The following PHACTR1 variants were observed in gnomAD, a reference collection of about 807,000 sequenced individuals.
The protein encoded by PHACTR1 is phosphatase and actin regulator 1, also known as RPEL repeat containing 1.
A neutral mutation model predicts 69.2 loss-of-function variants in PHACTR1; 16 were observed. The ratio of observed to expected loss-of-function variants is 0.23; its 90% confidence interval spans 0.16 to 0.35. The LOEUF is 0.35. Ranked by LOEUF, PHACTR1 falls within the 10% of genes least tolerant of loss-of-function variation. PHACTR1 has a pLI of 1.00. For missense variants in PHACTR1, 510 were observed against 734.7 expected (o/e 0.69, Z 3.54); for synonymous variants, 312 against 284.5 (o/e 1.10, Z -0.97).
chr6:12,954,447 T>C (rs1728088132), intron 4 of PHACTR1, among the ~76,000 whole-genome samples: 1 of 151,646 alleles, frequency 6.6e-6, no homozygotes, highest in South Asian at 2.1e-4. Context: ...GCAGGGGTGC[T>C]CGTGATAGTT....
At chr6:12,965,413 A>C (rs1477697285) in intron 4 of PHACTR1, among the ~76,000 whole-genome samples, 1 of 147,518 alleles carries the variant, frequency 6.8e-6, no homozygotes, top group African/African-American at 2.5e-5. Context: ...TTGAGCTCTC[A>C]TCCTGTTGAT....
At chr6:13,209,570 A>G (rs1379230914) in intron 8 of PHACTR1, among the ~76,000 whole-genome samples, 1 of 152,244 alleles carries the variant, frequency 6.6e-6, no homozygotes, top group African/African-American at 2.4e-5. Context: ...TAATATACAA[A>G]GTTGAATGGT....
intron 4 of PHACTR1, among the ~76,000 whole-genome samples, chr6:12,859,886 A>G (rs1780766763): frequency 6.6e-6 from 1 of 152,166 alleles, no homozygotes; most frequent in Non-Finnish European, 1.5e-5. Flanking sequence ...AATGGTGCCA[A>G]TATTCTGCAG....
intron 4 of PHACTR1, among the ~76,000 whole-genome samples, chr6:12,780,249 CTG>C (rs71552713): frequency 0.059 from 8,631 of 147,450 alleles, 698 homozygotes; most frequent in African/African-American, 0.19. Flanking sequence ...TATCTTTTCT[CTG>C]TGTGTGTGTG....
At chr6:13,256,422 G>A (rs533512) in intron 10 of PHACTR1, among the ~76,000 whole-genome samples, 11,448 of 152,286 alleles carry the variant, frequency 0.075, 716 homozygotes, top group Admixed American at 0.22. Context: ...AATTTCTGCA[G>A]CCTACTTGAA....
In PHACTR1 at chr6:13,229,976, G is replaced by A. The variant is rs1770555225; in HGVS notation, c.1235-61G>A. The A allele has an allele frequency of 6.7e-6, 10 of 1,498,128 alleles. No homozygotes were observed. The East Asian group carries it at 7.3e-5, about 11-fold the overall frequency. The allele number at this position is 1,498,128 out of a possible 1,614,324, so 92.8% of individuals were successfully genotyped here. A position where few individuals can be genotyped will look rare whatever the true frequency, so the allele number is the denominator to read the frequency against. On this transcript the variant is annotated intron_variant, in intron 9 of 14. Transcript: ENST00000332995. ...GCCTTGTATCTTATGACCCAGGGTT[G>A]GCCCTGTGGGAGCCCAGGCAGATAT... is the stretch of plus-strand genomic sequence containing the variant.
intron 5 of PHACTR1, among the ~76,000 whole-genome samples, chr6:13,112,510 G>C (rs1197091187): frequency 6.6e-6 from 1 of 152,170 alleles, no homozygotes; most frequent in African/African-American, 2.4e-5. Flanking sequence ...TAGTGTATAA[G>C]TGTTTCATTT....
In PHACTR1 at chr6:12,989,828, G is replaced by C. The variant is rs1014403407; in HGVS notation, c.251-63537G>C. 2.6e-5 allele frequency among the ~76,000 whole-genome samples: 4 copies of C among 152,184 alleles called. No homozygotes were observed. The South Asian group carries it at 6.2e-4, about 24-fold the overall frequency. The stretch of plus-strand genomic sequence containing the variant: ...TGTCATAGGCGTAATCTATAGCAAT[G>C]GTGGTTTAAATGAATCTCCTTTGTG... On this transcript the variant is annotated intron_variant, in intron 4 of 14. Transcript: ENST00000332995.
intron 8 of PHACTR1, among the ~76,000 whole-genome samples, chr6:13,223,915 A>ATTG (rs1231576869): frequency 6.6e-6 from 1 of 152,022 alleles, no homozygotes; most frequent in Non-Finnish European, 1.5e-5. Context: ...TGTCATTGCC[A>ATTG]TTGATAAAGA....
intron 8 of PHACTR1, among the ~76,000 whole-genome samples, chr6:13,224,085 C>T (rs1584044582): frequency 2.0e-5 from 3 of 152,150 alleles, no homozygotes; most frequent in African/African-American, 7.2e-5. Flanking sequence ...TTATTTCATT[C>T]GGCTAAAGCA....
chr6:13,069,833 A>G (rs1561784838), intron 5 of PHACTR1, among the ~76,000 whole-genome samples: 2 of 152,208 alleles, frequency 1.3e-5, no homozygotes, highest in South Asian at 2.1e-4. Context: ...AGACCTATAT[A>G]GTATTATTAA....
chr6:13,272,964 G>A (rs76861783), intron 11 of PHACTR1, 49 bp downstream of exon 11: 9 of 1,608,460 alleles, frequency 5.6e-6, no homozygotes, highest in African/African-American at 4.0e-5. Context: ...GGCGGCTTTT[G>A]TTATTATTTA....
At chr6:13,244,060 C>T (rs1171162183) in intron 10 of PHACTR1, among the ~76,000 whole-genome samples, 4 of 152,110 alleles carry the variant, frequency 2.6e-5, no homozygotes, top group African/African-American at 9.7e-5. Flanking sequence ...TCTAGTTTCC[C>T]TAAGCATCGG....
At chr6:13,247,445 A>C (rs1251828151) in intron 10 of PHACTR1, among the ~76,000 whole-genome samples, 1 of 151,334 alleles carries the variant, frequency 6.6e-6, no homozygotes. Context: ...TCCTGGGTTA[A>C]AGCGATTCTC....
rs539577896 is a variant in PHACTR1, at chr6:13,156,444, AAGAAATGTACTTTCTTT to A, written c.416-3758_416-3742del. On this transcript the variant is annotated intron_variant, in intron 5 of 14. Coordinates refer to ENST00000332995, the MANE Select transcript of PHACTR1 (RefSeq NM_030948.6). Reference sequence around the variant, plus strand: ...CTTTTAAAGGAAACTTAGGACGTTAAAGAAATGTACTTTCTTTAATGCTTGGCATGGGCAACTTTGAG... The same window carrying A: ...CTTTTAAAGGAAACTTAGGACGTTAAAATGCTTGGCATGGGCAACTTTGAG... Among the ~76,000 whole-genome samples, 380 of 152,334 alleles carry A rather than the reference AAGAAATGTACTTTCTTT, an allele frequency of 2.5e-3. 1 individual carries two copies. The highest frequency in any genetic ancestry group is 4.6e-3 in the Non-Finnish European group (310 of 68,032).
At chr6:13,254,625 A>T (rs887523818) in intron 10 of PHACTR1, among the ~76,000 whole-genome samples, 1 of 152,158 alleles carries the variant, frequency 6.6e-6, no homozygotes, top group African/African-American at 2.4e-5. Flanking sequence ...TCCAGCAGGA[A>T]ACAGATGGCT....
chr6:13,187,612 G>C (rs187521835), intron 7 of PHACTR1, among the ~76,000 whole-genome samples: 1 of 152,334 alleles, frequency 6.6e-6, no homozygotes, highest in Non-Finnish European at 1.5e-5. Flanking sequence ...TAGCCTTTAA[G>C]AGATCTTGGA....
At chr6:12,827,831 A>C (rs1198670649) in intron 4 of PHACTR1, among the ~76,000 whole-genome samples, 1 of 152,216 alleles carries the variant, frequency 6.6e-6, no homozygotes, top group African/African-American at 2.4e-5. Context: ...ACATTACATG[A>C]TAATATGAAA....
chr6:13,240,919 T>C (rs1272719877), intron 10 of PHACTR1, among the ~76,000 whole-genome samples: 6 of 152,210 alleles, frequency 3.9e-5, no homozygotes, highest in African/African-American at 2.4e-5. Context: ...AGGTGGCCGC[T>C]ACTGGGAATC....
Sources: allele counts gnomAD v4.1 joint callset (sites outside exome capture counted in the v4.1 genomes callset), GRCh38; gene constraint gnomAD v4.1.1; transcripts MANE v1.5; gene names NCBI Gene and HGNC (gene_info 2026-07-23, HGNC 2026-07-21).